CLSTN2: variants seen among roughly 807,000 people sequenced by gnomAD.
CLSTN2 encodes the protein calsyntenin-2.
A neutral mutation model predicts 101.2 loss-of-function variants in CLSTN2; 48 were observed. That is an observed-to-expected ratio of 0.47 (90% CI 0.38 to 0.60). The LOEUF is 0.60. CLSTN2 is among the 20% of genes least tolerant of loss of function. CLSTN2 has a pLI of 0.00. For synonymous variants in CLSTN2, 481 were observed against 463.6 expected, an observed-to-expected ratio of 1.04 and a Z score of -0.48; for missense variants, 1,160 against 1,238.2, an observed-to-expected ratio of 0.94 and a Z score of 0.95.
In CLSTN2 at chr3:140,340,742, G is replaced by T. The variant is rs556752941; in HGVS notation, c.233-62887G>T. ...CAGATTTCCTAACTTTTTACCTAATGTCCTTTTTCTGATCCAGGGCCTCAT... is the reference window on the plus strand; with the variant it reads ...CAGATTTCCTAACTTTTTACCTAATTTCCTTTTTCTGATCCAGGGCCTCAT... On this transcript the variant is annotated intron_variant, in intron 2 of 16. Coordinates refer to ENST00000458420, the MANE Select transcript of CLSTN2 (RefSeq NM_022131.3). Among the ~76,000 whole-genome samples, 270 of 152,278 alleles carry T rather than the reference G, an allele frequency of 1.8e-3. 1 individual carries two copies. The highest frequency in any genetic ancestry group is 6.0e-3 in the African/African-American group (248 of 41,556).
intron 1 of CLSTN2, among the ~76,000 whole-genome samples, chr3:139,955,138 A>ATATATATATG (rs1225284754): frequency 7.1e-6 from 1 of 141,070 alleles, no homozygotes; most frequent in Non-Finnish European, 1.5e-5. Flanking sequence ...ATATATATAT[A>ATATATATATG]TGGCAATTCC....
At chr3:140,153,001 G>A (rs547605396) in intron 1 of CLSTN2, among the ~76,000 whole-genome samples, 94 of 152,332 alleles carry the variant, frequency 6.2e-4, no homozygotes, top group Non-Finnish European at 1.1e-3. Flanking sequence ...CATTGGCTGT[G>A]GAGCTTGGGT....
Position 140,560,565 on chromosome 3 carries a change from G to A in CLSTN2, c.2042-1573G>A, listed in dbSNP as rs1001918649. Among the ~76,000 whole-genome samples, 3 of 91,202 alleles carry A rather than the reference G, an allele frequency of 3.3e-5. No individual in the cohort carries two copies. The East Asian group carries it at 9.6e-4, about 29-fold the overall frequency. 59.8% of individuals were successfully genotyped at this position (91,202 alleles called of 152,430 possible). A position where few individuals can be genotyped will look rare whatever the true frequency, so the allele number is the denominator to read the frequency against. On this transcript the variant is annotated intron_variant, in intron 12 of 16. Coordinates refer to ENST00000458420, the MANE Select transcript of CLSTN2 (RefSeq NM_022131.3). ...TTTTAGCCCTTGGTGGTGATTTCCTGTTTATTAAACCAGACCAGGAGGACC... is the reference window on the plus strand; with the variant it reads ...TTTTAGCCCTTGGTGGTGATTTCCTATTTATTAAACCAGACCAGGAGGACC...
chr3:140,312,574 C>A (rs184987452), intron 2 of CLSTN2, among the ~76,000 whole-genome samples: 1 of 152,216 alleles, frequency 6.6e-6, no homozygotes, highest in Admixed American at 6.5e-5. Flanking sequence ...AAAGTCTACG[C>A]CTTCTTTTAA....
chr3:140,290,657 C>A (rs1343149687), intron 2 of CLSTN2, among the ~76,000 whole-genome samples: 2 of 152,230 alleles, frequency 1.3e-5, no homozygotes, highest in African/African-American at 2.4e-5. Context: ...TGGTTGCGAT[C>A]CTCCAGAGTC....
chr3:140,230,191 A>G (rs967574968), intron 2 of CLSTN2, among the ~76,000 whole-genome samples: 3 of 152,076 alleles, frequency 2.0e-5, no homozygotes, highest in Non-Finnish European at 2.9e-5. Context: ...CCGTTTTGGC[A>G]TGGTTGCTGA....
chr3:140,418,507 TTCTTTCTTTC>T (rs1205694089), intron 4 of CLSTN2, among the ~76,000 whole-genome samples: 2 of 70,194 alleles, frequency 2.8e-5, no homozygotes, highest in African/African-American at 4.4e-4. Context: ...CTTTCTTTCT[TTCTTTCTTTC>T]TTTTTTTTTT....
chr3:140,269,879 A>T (rs189931595), intron 2 of CLSTN2, among the ~76,000 whole-genome samples: 11 of 152,298 alleles, frequency 7.2e-5, no homozygotes, highest in African/African-American at 2.6e-4. Context: ...AAGCTTTCTC[A>T]TTTGGAAAAT....
At chr3:140,496,286 A>C (rs1934463327) in intron 8 of CLSTN2, among the ~76,000 whole-genome samples, 1 of 152,194 alleles carries the variant, frequency 6.6e-6, no homozygotes, top group South Asian at 2.1e-4. Context: ...GGTGTATAGG[A>C]ATGCTAGTGA....
intron 8 of CLSTN2, among the ~76,000 whole-genome samples, chr3:140,491,745 C>T (rs1276606451): frequency 6.6e-6 from 1 of 152,162 alleles, no homozygotes; most frequent in African/African-American, 2.4e-5. Context: ...TCACCTGAGC[C>T]CAGGAGGTTG....
At chr3:140,019,211 A>G (rs1427685297) in intron 1 of CLSTN2, among the ~76,000 whole-genome samples, 1 of 152,192 alleles carries the variant, frequency 6.6e-6, no homozygotes, top group Non-Finnish European at 1.5e-5. Context: ...TTGCTCACAT[A>G]TTGTGTCAAA....
chr3:140,373,836 A>C (rs2087885957), intron 2 of CLSTN2, among the ~76,000 whole-genome samples: 1 of 152,198 alleles, frequency 6.6e-6, no homozygotes, highest in Non-Finnish European at 1.5e-5. Context: ...GGAGACAGGG[A>C]GTTCTCCACC....
intron 7 of CLSTN2, 79 bp downstream of exon 7, chr3:140,459,848 C>A: frequency 6.7e-7 from 1 of 1,500,676 alleles, no homozygotes; most frequent in Non-Finnish European, 9.2e-7. Flanking sequence ...GACATGGACA[C>A]AGCCAAGGAG....
chr3:140,039,021 T>A (rs1431061333), intron 1 of CLSTN2, among the ~76,000 whole-genome samples: 1 of 152,184 alleles, frequency 6.6e-6, no homozygotes, highest in African/African-American at 2.4e-5. Flanking sequence ...AGATATCTGG[T>A]AAGGTTAGTT....
chr3:140,084,299 T>C (rs1158787361), intron 1 of CLSTN2, among the ~76,000 whole-genome samples: 3 of 152,188 alleles, frequency 2.0e-5, no homozygotes, highest in Non-Finnish European at 4.4e-5. Flanking sequence ...GATGTGACTA[T>C]ATGAAATAAG....
intron 1 of CLSTN2, among the ~76,000 whole-genome samples, chr3:140,079,159 T>C (rs1169391607): frequency 6.6e-6 from 1 of 152,128 alleles, no homozygotes; most frequent in Non-Finnish European, 1.5e-5. Flanking sequence ...TGGTGCCTGG[T>C]AGGTTTCCTA....
At chr3:140,206,065 T>A (rs1195909742) in intron 2 of CLSTN2, among the ~76,000 whole-genome samples, 1 of 152,078 alleles carries the variant, frequency 6.6e-6, no homozygotes, top group East Asian at 1.9e-4. Flanking sequence ...GAAAGGAAAA[T>A]CATTCACAAA....
chr3:139,979,308 A>T (rs911087624), intron 1 of CLSTN2, among the ~76,000 whole-genome samples: 5 of 152,220 alleles, frequency 3.3e-5, no homozygotes, highest in African/African-American at 1.2e-4. Context: ...ACCTGTTCAC[A>T]GAGGGAATCC....
intron 2 of CLSTN2, among the ~76,000 whole-genome samples, chr3:140,211,553 G>GTC (rs1190659421): frequency 6.6e-6 from 1 of 150,530 alleles, no homozygotes; most frequent in Non-Finnish European, 1.5e-5. Flanking sequence ...GTGTGTGTGT[G>GTC]TGTAGTGTGT....
Sources: gnomAD v4.1 joint callset for allele counts (sites outside exome capture counted in the v4.1 genomes callset) on GRCh38, gnomAD v4.1.1 for gene constraint, MANE v1.5 for transcripts, NCBI Gene and HGNC (gene_info 2026-07-23, HGNC 2026-07-21) for gene names.